The following LEKR1 variants were observed in gnomAD, a reference collection of about 807,000 sequenced individuals.
LEKR1 encodes the protein protein LEKR1.
A neutral mutation model predicts 72.4 loss-of-function variants in LEKR1; 59 were observed. That is an observed-to-expected ratio of 0.82 (90% CI 0.66 to 1.01). The LOEUF (loss-of-function observed/expected upper bound fraction) is 1.01, where lower values mean the gene tolerates loss of function less well. LEKR1 is among the 50% of genes least tolerant of loss of function. The probability of loss-of-function intolerance (pLI) is 0.00; values close to 1 mark genes in which losing one functional copy is unlikely to be tolerated. For synonymous variants in LEKR1, 257 were observed against 263.2 expected (o/e 0.98, Z 0.23); for missense variants, 728 against 759.2 (o/e 0.96, Z 0.48).
At chr3:156,914,736 A>G (rs1286186471) in intron 3 of LEKR1, among the ~76,000 whole-genome samples, 2 of 151,734 alleles carry the variant, frequency 1.3e-5, no homozygotes, top group African/African-American at 4.8e-5. Context: ...CCTTTGTCTT[A>G]ATTAGCTTGT....
chr3:156,879,738 C>G (rs893973291), intron 3 of LEKR1, among the ~76,000 whole-genome samples: 8 of 152,172 alleles, frequency 5.3e-5, no homozygotes, highest in Non-Finnish European at 1.2e-4. Flanking sequence ...TGTGTGCATC[C>G]TAGGTACTTG....
At chr3:156,942,453 G>C (rs1235180410) in intron 5 of LEKR1, 76 bp from the exon 6 acceptor site, 2 of 446,484 alleles carry the variant, frequency 4.5e-6, no homozygotes, top group Non-Finnish European at 7.1e-6. Context: ...TTTTCTAAAA[G>C]AAACTAATCA....
intron 6 of LEKR1, among the ~76,000 whole-genome samples, chr3:156,962,864 C>T (rs1263950179): frequency 6.6e-6 from 1 of 152,122 alleles, no homozygotes; most frequent in African/African-American, 2.4e-5. Context: ...TTCTTTACCT[C>T]CAACATCATT....
At chr3:157,009,078 G>A (rs1486757314) in intron 9 of LEKR1, among the ~76,000 whole-genome samples, 1 of 151,984 alleles carries the variant, frequency 6.6e-6, no homozygotes, top group African/African-American at 2.4e-5. Context: ...TTTATCTTTT[G>A]TTACTGACAT....
chr3:157,012,473 C>T (rs1456729208), intron 10 of LEKR1, among the ~76,000 whole-genome samples: 3 of 152,144 alleles, frequency 2.0e-5, no homozygotes, highest in African/African-American at 7.2e-5. Flanking sequence ...CTCCTTCAAA[C>T]TAACATCTCT....
intron 6 of LEKR1, among the ~76,000 whole-genome samples, chr3:156,978,858 G>A (rs1576937080): frequency 1.3e-5 from 2 of 152,262 alleles, no homozygotes; most frequent in Middle Eastern, 3.4e-3. Flanking sequence ...AACAAGACAC[G>A]TGATCAGAAA....
Position 156,992,688 on chromosome 3 carries a change from A to G in LEKR1, c.863A>G (p.Glu288Gly), listed in dbSNP as rs1731231500. 9.7e-7 allele frequency: 1 copy of G among 1,031,398 alleles called. No homozygotes were observed. The highest frequency in any genetic ancestry group is 8.0e-5 in the East Asian group (1 of 12,516). The allele number at this position is 1,031,398 out of a possible 1,614,324, so 63.9% of individuals were successfully genotyped here. A position where few individuals can be genotyped will look rare whatever the true frequency, so the allele number is the denominator to read the frequency against. ...KSNEADDCQRELKKLKFESII... is the reference protein window; with the variant it reads ...KSNEADDCQRGLKKLKFESII... ...AATGAAGCTGATGACTGTCAAAGAG[A>G]ACTTAAAAAACTGAAGTTTGAATCC... is the stretch of plus-strand genomic sequence containing the variant. Residue 288 changes from glutamate (E) to glycine (G), a missense_variant, in exon 8 of 13, where the codon GAA (glutamate) becomes GGA (glycine). Physicochemically the swap from Glu to Gly is moderately conservative, Grantham distance 98. Coordinates refer to ENST00000356539, the MANE Select transcript of LEKR1 (RefSeq NM_001004316.3).
rs180909330 is a variant in LEKR1 at position 157,030,065 on chromosome 3, A to C, written c.1668+1663A>C. ...TGGTTCTGCAGGCTGAACAGGAAGC[A>C]TAGTTCTGGCGAGGACCTTAGGAAG... On this transcript the variant is annotated intron_variant, in intron 12 of 12. Transcript: ENST00000356539. Among the ~76,000 whole-genome samples, 15 of 152,312 alleles carry C rather than the reference A, an allele frequency of 9.8e-5. No individual in the cohort carries two copies. The East Asian group carries it at 2.7e-3, about 27-fold the overall frequency.
chr3:157,027,004 C>T (rs561129010), intron 11 of LEKR1, among the ~76,000 whole-genome samples: 97 of 152,104 alleles, frequency 6.4e-4, no homozygotes, highest in Non-Finnish European at 1.2e-3. Flanking sequence ...ACTGTGCTGT[C>T]CGTCATGATA....
Position 156,945,686 on chromosome 3 carries a change from A to G in LEKR1, c.745+2972A>G, listed in dbSNP as rs150219854. Among the ~76,000 whole-genome samples, 234 of 151,830 alleles carry G rather than the reference A, an allele frequency of 1.5e-3. 2 individuals are homozygous for G. In the East Asian group the frequency reaches 0.019, roughly 12 times the overall value. On this transcript the variant is annotated intron_variant, in intron 6 of 12. Transcript: ENST00000356539. ...CTGCATATGGATATCCTGTTTTCCC[A>G]GGAGCATTTACTGAAGAGACTGTCC...
rs552364740 is a variant in LEKR1, at chr3:156,911,640, T to G, written c.264-8935T>G. Reference sequence around the variant, plus strand: ...CTAGGATTTTTATAGTTTGAGGTCTTACATTTAAATCTTTAATCCATCTTG... The same window carrying G: ...CTAGGATTTTTATAGTTTGAGGTCTGACATTTAAATCTTTAATCCATCTTG... On this transcript the variant is annotated intron_variant, in intron 3 of 12. Coordinates refer to ENST00000356539, the MANE Select transcript of LEKR1 (RefSeq NM_001004316.3). Among the ~76,000 whole-genome samples, 65 of 152,262 alleles carry G rather than the reference T, an allele frequency of 4.3e-4. No individual in the cohort carries two copies. In the South Asian group the frequency reaches 0.013, roughly 31 times the overall value.
At chr3:156,850,260 T>A (rs1438110977) in intron 2 of LEKR1, among the ~76,000 whole-genome samples, 5 of 151,346 alleles carry the variant, frequency 3.3e-5, no homozygotes, top group African/African-American at 1.2e-4. Flanking sequence ...TTTATATATT[T>A]TATATATTTG....
At chr3:156,827,751 T>C (rs1290647184) in intron 1 of LEKR1, among the ~76,000 whole-genome samples, 3 of 152,220 alleles carry the variant, frequency 2.0e-5, no homozygotes, top group Non-Finnish European at 4.4e-5. Context: ...CTTCTTATGC[T>C]AAGGCCATAA....
At chr3:157,007,489 A>G (rs969785932) in intron 9 of LEKR1, among the ~76,000 whole-genome samples, 1 of 152,232 alleles carries the variant, frequency 6.6e-6, no homozygotes, top group African/African-American at 2.4e-5. Context: ...GTGGGATTTC[A>G]GAGTTGTGAT....
At chr3:156,989,390 G>A (rs1384600095) in intron 7 of LEKR1, among the ~76,000 whole-genome samples, 1 of 152,224 alleles carries the variant, frequency 6.6e-6, no homozygotes, top group African/African-American at 2.4e-5. Flanking sequence ...AATCAAACTT[G>A]AATATTTTTA....
chr3:157,018,661 C>T (rs150269504), intron 10 of LEKR1, among the ~76,000 whole-genome samples: 67 of 152,212 alleles, frequency 4.4e-4, no homozygotes, highest in African/African-American at 1.5e-3. Flanking sequence ...TAGAGTTCAC[C>T]GGCAACACCT....
At chr3:156,952,333 G>T (rs1056487505) in intron 6 of LEKR1, among the ~76,000 whole-genome samples, 9 of 151,312 alleles carry the variant, frequency 5.9e-5, no homozygotes, top group African/African-American at 2.2e-4. Context: ...TGCATTTTTG[G>T]AATTTATTAT....
chr3:157,038,070 G>C (rs796345752), intron 12 of LEKR1, among the ~76,000 whole-genome samples: 1 of 152,122 alleles, frequency 6.6e-6, no homozygotes, highest in Non-Finnish European at 1.5e-5. Flanking sequence ...TAGGAATTTC[G>C]AACAAGGAAT....
chr3:157,015,596 G>C (rs1733246709), intron 10 of LEKR1, among the ~76,000 whole-genome samples: 1 of 152,172 alleles, frequency 6.6e-6, no homozygotes, highest in African/African-American at 2.4e-5. Context: ...TCCTAGGACA[G>C]AGCTCAAGAA....
Sources: allele counts gnomAD v4.1 joint callset (sites outside exome capture counted in the v4.1 genomes callset), GRCh38; gene constraint gnomAD v4.1.1; transcripts MANE v1.5; gene names NCBI Gene and HGNC (gene_info 2026-07-23, HGNC 2026-07-21).